The following UBXN7 variants were observed in gnomAD, a reference collection of about 807,000 sequenced individuals.
UBXN7 encodes the protein UBX domain protein 7.
A neutral mutation model predicts 58.0 loss-of-function variants in UBXN7; 9 were observed. The ratio of observed to expected loss-of-function variants is 0.16; its 90% CI spans 0.09 to 0.27. The LOEUF is 0.27. Ranked by LOEUF, UBXN7 falls within the 10% of genes least tolerant of loss-of-function variation. The pLI is 1.00. For missense variants in UBXN7, 328 were observed against 599.6 expected, an observed-to-expected ratio of 0.55 and a Z score of 4.73; for synonymous variants, 208 against 205.0, an observed-to-expected ratio of 1.01 and a Z score of -0.12.
At chr3:196,367,877 A>C (rs1016453726) in intron 8 of UBXN7, 151 bp downstream of exon 8, 1 of 1,100,192 alleles carries the variant, frequency 9.1e-7, no homozygotes. Flanking sequence ...AAATTATCAA[A>C]ATATAAGGAG....
chr3:196,419,022 T>C (rs757453027), intron 1 of UBXN7, among the ~76,000 whole-genome samples: 11 of 152,160 alleles, frequency 7.2e-5, no homozygotes, highest in Admixed American at 2.0e-4. Context: ...TCCCAGCACT[T>C]TGGGAGGCCG....
chr3:196,377,539 A>G (rs1375735919), intron 5 of UBXN7, among the ~76,000 whole-genome samples: 1 of 152,226 alleles, frequency 6.6e-6, no homozygotes, highest in Admixed American at 6.5e-5. Context: ...GAATTTGGCA[A>G]CACGGACACA....
intron 5 of UBXN7, among the ~76,000 whole-genome samples, chr3:196,382,798 A>G (rs1176048603): frequency 3.3e-5 from 5 of 152,162 alleles, no homozygotes; most frequent in Admixed American, 6.5e-5. Context: ...AGGAAGATCT[A>G]CCAAGCAAAT....
rs751373073 is a variant in UBXN7, at chr3:196,348,528, C to T, written c.*8157G>A. On this transcript the variant is annotated 3_prime_UTR_variant, in exon 11 of 11. Coordinates refer to ENST00000296328, the MANE Select transcript of UBXN7 (RefSeq NM_015562.2). ...AAATCTCAGTAAGACCACCCCCACA[C>T]ACACTTTGTCCAGAATAAGTTGAGC... 2.6e-5 allele frequency: 4 copies of T among 152,200 alleles called. No homozygotes were observed. The highest frequency in any genetic ancestry group is 5.9e-5 in the Non-Finnish European group (4 of 68,060). 9.4% of individuals were successfully genotyped at this position (152,200 alleles called of 1,614,324 possible).
At chr3:196,401,743 A>G (rs1243124091) in intron 3 of UBXN7, among the ~76,000 whole-genome samples, 1 of 149,336 alleles carries the variant, frequency 6.7e-6, no homozygotes, top group Non-Finnish European at 1.5e-5. Context: ...AGCCTGGGCA[A>G]CATAGCAAGA....
intron 1 of UBXN7, among the ~76,000 whole-genome samples, chr3:196,415,561 G>C (rs968611510): frequency 6.7e-6 from 1 of 148,690 alleles, no homozygotes; most frequent in Non-Finnish European, 1.5e-5. Flanking sequence ...TGGTCACGAG[G>C]TCAGGAGCTC....
At chr3:196,390,787 C>T (rs1049329381) in intron 5 of UBXN7, among the ~76,000 whole-genome samples, 5 of 150,882 alleles carry the variant, frequency 3.3e-5, no homozygotes, top group African/African-American at 7.3e-5. Context: ...TATGGAAATG[C>T]TATTGTAATT....
At chr3:196,388,260 A>G (rs1372840212) in intron 5 of UBXN7, among the ~76,000 whole-genome samples, 2 of 137,790 alleles carry the variant, frequency 1.5e-5, no homozygotes, top group African/African-American at 5.5e-5. Flanking sequence ...ACTTGGATAC[A>G]GGGCAGGGAA....
chr3:196,417,035 C>CAGG (rs550562036), intron 1 of UBXN7, among the ~76,000 whole-genome samples: 88 of 152,210 alleles, frequency 5.8e-4, no homozygotes, highest in Non-Finnish European at 1.1e-3. Context: ...AATGTACACA[C>CAGG]AGGCGCGGCG....
At chr3:196,395,341 A>G (rs561737227) in intron 3 of UBXN7, among the ~76,000 whole-genome samples, 1 of 152,310 alleles carries the variant, frequency 6.6e-6, no homozygotes, top group East Asian at 1.9e-4. Context: ...TGTTTAAAAC[A>G]TATATTCATA....
chr3:196,393,468 A>C, intron 4 of UBXN7, 86 bp downstream of exon 4: 1 of 1,294,318 alleles, frequency 7.7e-7, no homozygotes, highest in Non-Finnish European at 1.1e-6. Context: ...TGAAAACTTA[A>C]AAGTAATTGG....
intron 6 of UBXN7, among the ~76,000 whole-genome samples, chr3:196,370,002 C>T (rs928627773): frequency 1.4e-4 from 22 of 151,794 alleles, no homozygotes; most frequent in African/African-American, 3.4e-4. Context: ...TGGTGACAGG[C>T]GCTTGTAGTC....
At chr3:196,431,892 G>C (rs947881079) in intron 1 of UBXN7, 11 of 357,928 alleles carry the variant, frequency 3.1e-5, no homozygotes, top group Non-Finnish European at 6.1e-5. Context: ...AGAATGACCT[G>C]GCCGGGGAAG....
intron 5 of UBXN7, among the ~76,000 whole-genome samples, chr3:196,380,281 A>G (rs1729162386): frequency 6.6e-6 from 1 of 151,904 alleles, no homozygotes; most frequent in Non-Finnish European, 1.5e-5. Flanking sequence ...AAGAATGTGA[A>G]GGAATGAAGA....
intron 5 of UBXN7, among the ~76,000 whole-genome samples, chr3:196,388,605 C>T (rs764058036): frequency 9.2e-5 from 14 of 152,052 alleles, no homozygotes; most frequent in Non-Finnish European, 1.9e-4. Context: ...TCTCTCTCAT[C>T]TGGTTAGCAT....
intron 1 of UBXN7, among the ~76,000 whole-genome samples, chr3:196,429,056 G>A (rs150160455): frequency 3.0e-4 from 46 of 150,876 alleles, no homozygotes; most frequent in African/African-American, 1.0e-3. Context: ...GGCCAGGCGC[G>A]GTGGCTCACA....
chr3:196,409,159 C>T (rs1730250095), intron 1 of UBXN7, among the ~76,000 whole-genome samples: 1 of 152,122 alleles, frequency 6.6e-6, no homozygotes, highest in Non-Finnish European at 1.5e-5. Context: ...ACACATTCTC[C>T]CTTTAGCTGT....
At chr3:196,399,312 A>AT (rs375953596) in intron 3 of UBXN7, among the ~76,000 whole-genome samples, 31 of 150,952 alleles carry the variant, frequency 2.1e-4, no homozygotes, top group South Asian at 2.1e-4. Context: ...TTAATTTATT[A>AT]TTTTTTTTTG....
intron 10 of UBXN7, 105 bp from the exon 11 acceptor site, chr3:196,356,951 T>C (rs1728367509): frequency 7.3e-7 from 1 of 1,378,178 alleles, no homozygotes; most frequent in African/African-American, 1.5e-5. Flanking sequence ...TTAGATCAGC[T>C]ATTAAATGTA....
Sources: gnomAD v4.1 joint callset for allele counts (sites outside exome capture counted in the v4.1 genomes callset) on GRCh38, gnomAD v4.1.1 for gene constraint, MANE v1.5 for transcripts, NCBI Gene and HGNC (gene_info 2026-07-23, HGNC 2026-07-21) for gene names.